PMEPA1: variants seen among roughly 807,000 people sequenced by gnomAD.
PMEPA1 encodes prostate transmembrane protein, androgen induced 1, also known as protein TMEPAI.
PMEPA1 carries 11 observed loss-of-function variants against 23.0 expected under a neutral mutation model. That is an observed-to-expected ratio of 0.48 (90% CI 0.30 to 0.79). The LOEUF (loss-of-function observed/expected upper bound fraction) is 0.79. Among genes scored for constraint, PMEPA1 ranks in the 30% least tolerant of loss-of-function variants. The pLI is 0.06. For missense variants in PMEPA1, 377 were observed against 390.9 expected, an observed-to-expected ratio of 0.96 and a Z score of 0.30; for synonymous variants, 204 against 166.4, an observed-to-expected ratio of 1.23 and a Z score of -1.74.
intron 1 of PMEPA1, among the ~76,000 whole-genome samples, chr20:57,660,703 C>A (rs1396514331): frequency 2.1e-5 from 3 of 145,366 alleles, no homozygotes; most frequent in Non-Finnish European, 4.4e-5. Flanking sequence ...CACTCCTACA[C>A]AAATAACACC....
In PMEPA1 at chr20:57,650,868, T is replaced by C. The variant is rs1600766638; in HGVS notation, c.*1185A>G. On this transcript the variant is annotated 3_prime_UTR_variant, in exon 4 of 4. Coordinates refer to ENST00000341744, the MANE Select transcript of PMEPA1 (RefSeq NM_020182.5). ...GGCTTCCTAGGGTCCAGTGCGGCAG[T>C]TACCGCACCTGCCTTCACCGGTGAA... is the stretch of plus-strand genomic sequence containing the variant. 1 of 152,334 alleles carries C rather than the reference T, an allele frequency of 6.6e-6. No individual in the cohort carries two copies. The highest frequency in any genetic ancestry group is 1.9e-4 in the East Asian group (1 of 5,178). The allele number at this position is 152,334 out of a possible 1,614,324, so 9.4% of individuals were successfully genotyped here. A position where few individuals can be genotyped will look rare whatever the true frequency, so the allele number is the denominator to read the frequency against.
In PMEPA1 at chr20:57,688,170, C is replaced by T. The variant is rs367891280; in HGVS notation, c.109+21304G>A. On this transcript the variant is annotated intron_variant, in intron 1 of 3. Coordinates refer to ENST00000341744, the MANE Select transcript of PMEPA1 (RefSeq NM_020182.5). Reference sequence around the variant, plus strand: ...GGGGAGTAGGCACCTGGGTGTTTCTCCCCATTCCAAGATTTCTCCGTTTTC... The same window carrying T: ...GGGGAGTAGGCACCTGGGTGTTTCTTCCCATTCCAAGATTTCTCCGTTTTC... 4.6e-5 allele frequency among the ~76,000 whole-genome samples: 7 copies of T among 152,334 alleles called. No individual in the cohort carries two copies. The East Asian group carries it at 7.7e-4, about 17-fold the overall frequency.
At chr20:57,702,307 C>T (rs562551909) in intron 1 of PMEPA1, among the ~76,000 whole-genome samples, 6 of 152,340 alleles carry the variant, frequency 3.9e-5, no homozygotes, top group African/African-American at 1.4e-4. Flanking sequence ...TCCCCAGCTA[C>T]TCCCCAAACC....
At chr20:57,694,374 C>T (rs919655160) in intron 1 of PMEPA1, among the ~76,000 whole-genome samples, 6 of 152,172 alleles carry the variant, frequency 3.9e-5, no homozygotes, top group African/African-American at 1.4e-4. Context: ...ATTACTTAAC[C>T]CGATCTTAAG....
At chr20:57,665,852 C>T (rs2071485151) in intron 1 of PMEPA1, among the ~76,000 whole-genome samples, 1 of 152,240 alleles carries the variant, frequency 6.6e-6, no homozygotes, top group Non-Finnish European at 1.5e-5. Flanking sequence ...TATATTGGTG[C>T]CGCTTCATAC....
intron 1 of PMEPA1, among the ~76,000 whole-genome samples, chr20:57,705,786 G>A (rs1187239639): frequency 6.6e-6 from 1 of 152,198 alleles, no homozygotes; most frequent in African/African-American, 2.4e-5. Context: ...ACCATGTCTG[G>A]AGACATTTCT....
intron 1 of PMEPA1, among the ~76,000 whole-genome samples, chr20:57,703,540 G>A (rs1050227864): frequency 2.0e-5 from 3 of 152,188 alleles, no homozygotes; most frequent in Admixed American, 6.5e-5. Flanking sequence ...TGGCAGACCC[G>A]AAGAGACCGT....
At position 57,683,410 on chromosome 20, in the gene PMEPA1, C is replaced by T. The variant is rs931838457; in HGVS notation, c.110-23713G>A. Among the ~76,000 whole-genome samples the T allele has an allele frequency of 2.0e-5, 3 of 152,268 alleles. No homozygotes were observed. In the East Asian group the frequency reaches 5.8e-4, roughly 29 times the overall value. The stretch of plus-strand genomic sequence containing the variant: ...GAAAGACCCAATTACAGCGCAGACG[C>T]ATCTGCCAGCCTGAGGATCCAATAT... On this transcript the variant is annotated intron_variant, in intron 1 of 3. Coordinates refer to ENST00000341744, the MANE Select transcript of PMEPA1 (RefSeq NM_020182.5). This position sits in a 1 kb window ranked among gnomAD's most constrained non-coding sequence, Gnocchi z 4.3.
intron 2 of PMEPA1, among the ~76,000 whole-genome samples, chr20:57,659,040 T>C (rs1257532372): frequency 6.6e-6 from 1 of 152,200 alleles, no homozygotes; most frequent in East Asian, 1.9e-4. Flanking sequence ...CCTCGAGAGA[T>C]GTGGGTCAAG....
intron 1 of PMEPA1, among the ~76,000 whole-genome samples, chr20:57,684,548 C>T (rs1380885818): frequency 6.6e-6 from 1 of 152,184 alleles, no homozygotes; most frequent in Non-Finnish European, 1.5e-5. Context: ...CCTATTTGGC[C>T]TCTGCACCGG....
intron 1 of PMEPA1, among the ~76,000 whole-genome samples, chr20:57,660,577 C>T (rs537208008): frequency 4.3e-4 from 62 of 144,714 alleles, no homozygotes; most frequent in Admixed American, 2.9e-3. Context: ...CATGACCCAA[C>T]ACTCCTACAC....
rs1286245514 is a variant in PMEPA1, at chr20:57,656,696, A to G, written c.264+2847T>C. Reference sequence around the variant, plus strand: ...AAGGAGGTGACAAGGCCGAGAAAAGACCTCAGAGCTCAGGGTCTTACCTGA... The same window carrying G: ...AAGGAGGTGACAAGGCCGAGAAAAGGCCTCAGAGCTCAGGGTCTTACCTGA... On this transcript the variant is annotated intron_variant, in intron 2 of 3. Transcript: ENST00000341744. This position sits in a 1 kb window ranked among gnomAD's most constrained non-coding sequence, Gnocchi z 4.7. Among the ~76,000 whole-genome samples, 1 of 152,048 alleles carries G rather than the reference A, an allele frequency of 6.6e-6. No individual in the cohort carries two copies. The highest frequency in any genetic ancestry group is 2.4e-5 in the African/African-American group (1 of 41,406).
chr20:57,700,757 G>T (rs1021257395), intron 1 of PMEPA1, among the ~76,000 whole-genome samples: 1 of 152,208 alleles, frequency 6.6e-6, no homozygotes, highest in Non-Finnish European at 1.5e-5. Context: ...GCCGGGCATG[G>T]TAGCTCACAC....
intron 1 of PMEPA1, among the ~76,000 whole-genome samples, chr20:57,672,873 G>A (rs2071588353): frequency 6.6e-6 from 1 of 152,206 alleles, no homozygotes; most frequent in South Asian, 2.1e-4. Context: ...AGGGCATCAG[G>A]AAGTGATTCG....
rs147553547 is a variant in PMEPA1 at position 57,650,599 on chromosome 20, C to G, written c.*1454G>C. ...ATGAAAACACAGATCAACAGACACA[C>G]CAGAAGGGAAGCGTTGTTTCCGCGG... On this transcript the variant is annotated 3_prime_UTR_variant, in exon 4 of 4. Transcript: ENST00000341744. 2.0e-5 allele frequency: 3 copies of G among 152,330 alleles called. No individual in the cohort carries two copies. Among genetic ancestry groups the G allele is most frequent in the African/African-American group, 7.2e-5 (3 of 41,564 alleles). 9.4% of individuals were successfully genotyped at this position (152,330 alleles called of 1,614,324 possible).
rs2071746962 is a variant in PMEPA1 at position 57,683,404 on chromosome 20, C to G, written c.110-23707G>C. ...CTCCAGGAAAGACCCAATTACAGCG[C>G]AGACGCATCTGCCAGCCTGAGGATC... On this transcript the variant is annotated intron_variant, in intron 1 of 3. Coordinates refer to ENST00000341744, the MANE Select transcript of PMEPA1 (RefSeq NM_020182.5). This position sits in a 1 kb window ranked among gnomAD's most constrained non-coding sequence, Gnocchi z 4.3. 6.6e-6 allele frequency among the ~76,000 whole-genome samples: 1 copy of G among 152,148 alleles called. No homozygotes were observed. Among genetic ancestry groups the G allele is most frequent in the Non-Finnish European group, 1.5e-5 (1 of 68,042 alleles).
rs1404440617 is a variant in PMEPA1 at position 57,682,654 on chromosome 20, G to T, written c.110-22957C>A. 8.6e-6 allele frequency among the ~76,000 whole-genome samples: 1 copy of T among 116,722 alleles called. No homozygotes were observed. Among genetic ancestry groups the T allele is most frequent in the Non-Finnish European group, 1.8e-5 (1 of 55,192 alleles). The allele number at this position is 116,722 out of a possible 152,430, so 76.6% of individuals were successfully genotyped here. A position where few individuals can be genotyped will look rare whatever the true frequency, so the allele number is the denominator to read the frequency against. ...TGTGACCCACACTCCTCCAGTTTTT[G>T]ATTTAAAAAAAATCCCTGAAACAGC... On this transcript the variant is annotated intron_variant, in intron 1 of 3. Coordinates refer to ENST00000341744, the MANE Select transcript of PMEPA1 (RefSeq NM_020182.5). The surrounding 1 kb of genome is among the most constrained non-coding windows in gnomAD (Gnocchi z 4.4).
chr20:57,664,003 G>A (rs952883197), intron 1 of PMEPA1, among the ~76,000 whole-genome samples: 1 of 152,228 alleles, frequency 6.6e-6, no homozygotes, highest in African/African-American at 2.4e-5. Context: ...CACCTTCCAC[G>A]CACTTTCACA....
chr20:57,710,360 G>A (rs1409512785), upstream of PMEPA1: 2 of 1,280,640 alleles, frequency 1.6e-6, no homozygotes, highest in African/African-American at 3.1e-5. Flanking sequence ...CCTTGACCCA[G>A]GCTCTTGGGG....
Sources: gnomAD v4.1 joint callset for allele counts (sites outside exome capture counted in the v4.1 genomes callset) on GRCh38, gnomAD v4.1.1 for gene constraint, Gnocchi (gnomAD v3.1) non-coding constraint, MANE v1.5 for transcripts, NCBI Gene and HGNC (gene_info 2026-07-23, HGNC 2026-07-21) for gene names.